ZFYVE28: variants seen among roughly 807,000 people sequenced by gnomAD.
The protein encoded by ZFYVE28 is lateral signaling target protein 2 homolog.
In ZFYVE28, 40 loss-of-function variants were observed where a neutral mutation model predicts 82.1. The observed-to-expected ratio is 0.49, with a 90% CI of 0.38 to 0.63. The LOEUF is 0.63. ZFYVE28 is among the 30% of genes least tolerant of loss of function. The pLI is 0.00. For synonymous variants in ZFYVE28, 612 were observed against 546.1 expected (o/e 1.12, Z -1.68); for missense variants, 1,321 against 1,242.1 (o/e 1.06, Z -0.96).
chr4:2,306,374 A>C (rs1183770153), intron 7 of ZFYVE28, among the ~76,000 whole-genome samples: 1 of 152,222 alleles, frequency 6.6e-6, no homozygotes, highest in South Asian at 2.1e-4. Flanking sequence ...TCATAAGCTG[A>C]ATCCACCCAT....
chr4:2,415,502 T>C (rs927324867), intron 1 of ZFYVE28, among the ~76,000 whole-genome samples: 7 of 143,482 alleles, frequency 4.9e-5, no homozygotes, highest in African/African-American at 1.9e-4. Flanking sequence ...AAAAAGAAGC[T>C]CGCTGTGCAG....
chr4:2,370,259 G>C (rs998424015), intron 1 of ZFYVE28, among the ~76,000 whole-genome samples: 1 of 152,102 alleles, frequency 6.6e-6, no homozygotes, highest in Admixed American at 6.5e-5. Context: ...CCACAGCGGA[G>C]AGAAGGGGAT....
rs1578125105 is a variant in ZFYVE28, at chr4:2,332,074, A to G, written c.701+3631T>C. Among the ~76,000 whole-genome samples, 1 of 152,068 alleles carries G rather than the reference A, an allele frequency of 6.6e-6. No individual in the cohort carries two copies. Among genetic ancestry groups the G allele is most frequent in the African/African-American group, 2.4e-5 (1 of 41,402 alleles). The stretch of plus-strand genomic sequence containing the variant: ...GCTCATGCTTGGTAAATGTGGCATC[A>G]CTGTTCTGACACTGTGTGCTGGAGA... On this transcript the variant is annotated intron_variant, in intron 6 of 12. Transcript: ENST00000290974. This position sits in a 1 kb window ranked among gnomAD's most constrained non-coding sequence, Gnocchi z 4.7.
At chr4:2,296,991 C>T (rs369085710) in intron 8 of ZFYVE28, among the ~76,000 whole-genome samples, 63 of 152,302 alleles carry the variant, frequency 4.1e-4, no homozygotes, top group African/African-American at 1.3e-3. Context: ...CGTGGGCTTC[C>T]GGGCCACCGA....
chr4:2,336,249 G>A (rs568019566), intron 5 of ZFYVE28, among the ~76,000 whole-genome samples: 3 of 152,198 alleles, frequency 2.0e-5, no homozygotes, highest in Non-Finnish European at 4.4e-5. Flanking sequence ...CCTCCCCGGG[G>A]CTTGTGGAGG....
chr4:2,291,787 A>G (rs1014369376), intron 8 of ZFYVE28, among the ~76,000 whole-genome samples: 37 of 152,302 alleles, frequency 2.4e-4, no homozygotes, highest in Non-Finnish European at 4.6e-4. Flanking sequence ...TGGCTGGTGG[A>G]GGACATGAAC....
Position 2,305,323 on chromosome 4 carries a change from G to A in ZFYVE28, c.1017C>T (p.Asp339=), listed in dbSNP as rs199892925. The A allele has an allele frequency of 1.2e-6, 2 of 1,613,170 alleles. No individual in the cohort carries two copies. Among genetic ancestry groups the A allele is most frequent in the Non-Finnish European group, 1.7e-6 (2 of 1,180,026 alleles). The change falls in exon 8 of 13, where the codon GAC becomes GAT. Residue 339 remains aspartate (D), a synonymous_variant. Coordinates refer to ENST00000290974, the MANE Select transcript of ZFYVE28 (RefSeq NM_020972.3). ...TGCGGCTGAGCTGCTCCAGCTCCTG[G>A]TCGTCGTACTGCATGGAGCAGGCCA... ...AELACSMQYD[D]QELEQLSRMV...
chr4:2,343,686 C>G (rs1453934712), intron 2 of ZFYVE28, among the ~76,000 whole-genome samples: 2 of 152,168 alleles, frequency 1.3e-5, no homozygotes, highest in Admixed American at 1.3e-4. Flanking sequence ...GGTGGCACAG[C>G]TTGTCTAAGG....
At chr4:2,330,570 G>C in intron 6 of ZFYVE28, 1 of 1,213,730 alleles carries the variant, frequency 8.2e-7, no homozygotes, top group Non-Finnish European at 1.0e-6. Context: ...TGGAGAATGG[G>C]ATAGCATGGA....
chr4:2,350,614 G>A (rs1724276365), intron 2 of ZFYVE28, among the ~76,000 whole-genome samples: 1 of 152,308 alleles, frequency 6.6e-6, no homozygotes, highest in Admixed American at 6.5e-5. Flanking sequence ...ACAGCTTCAG[G>A]ATGGGGGGCT....
chr4:2,411,471 T>A (rs116401898), intron 1 of ZFYVE28, among the ~76,000 whole-genome samples: 27 of 152,338 alleles, frequency 1.8e-4, no homozygotes, highest in Non-Finnish European at 3.8e-4. Flanking sequence ...TGCCCATCAA[T>A]ATCTAAGTTT....
chr4:2,273,580 C>T (rs1736114653), intron 9 of ZFYVE28, among the ~76,000 whole-genome samples: 1 of 152,236 alleles, frequency 6.6e-6, no homozygotes, highest in South Asian at 2.1e-4. Flanking sequence ...ACAGCCATCA[C>T]CACTAAGCTG....
intron 2 of ZFYVE28, among the ~76,000 whole-genome samples, chr4:2,346,057 G>A (rs1022168313): frequency 6.6e-5 from 10 of 151,918 alleles, no homozygotes; most frequent in Non-Finnish European, 7.4e-5. Flanking sequence ...GGCCAGGGGC[G>A]GTGGCTCACG....
intron 1 of ZFYVE28, among the ~76,000 whole-genome samples, chr4:2,399,083 A>AGGTGAGAGCCAGGGCACAAGCGTGG (rs1297197658): frequency 8.5e-6 from 1 of 117,500 alleles, no homozygotes; most frequent in Non-Finnish European, 1.7e-5. Flanking sequence ...CACAAGCGTG[A>AGGTGAGAGCCAGGGCACAAGCGTGG]AGGTGAGATC....
Position 2,304,166 on chromosome 4 carries a change from C to G in ZFYVE28, c.2051+123G>C, listed in dbSNP as rs969876417. ...CACAGACCCCACACTCGGCCAGGGC[C>G]CAGCACCTGCCGGTGGCCAAGATGG... On this transcript the variant is annotated intron_variant, in intron 8 of 12. Transcript: ENST00000290974. The G allele has an allele frequency of 3.0e-6, 4 of 1,326,094 alleles. No individual in the cohort carries two copies. In the African/African-American group the frequency reaches 5.9e-5, roughly 19 times the overall value. The allele number at this position is 1,326,094 out of a possible 1,614,324, so 82.1% of individuals were successfully genotyped here.
At position 2,320,219 on chromosome 4, in the gene ZFYVE28, C is replaced by G. The variant is rs778762648; in HGVS notation, c.754G>C (p.Asp252His). The G allele has an allele frequency of 6.2e-7, 1 of 1,613,354 alleles. No individual in the cohort carries two copies. The highest frequency in any genetic ancestry group is 8.5e-7 in the Non-Finnish European group (1 of 1,179,720). The change falls in exon 7 of 13, where the codon GAC (aspartate) becomes CAC (histidine). Residue 252 changes from aspartate (D) to histidine (H), a missense_variant. By Grantham distance (81) the Asp-to-His change is moderately conservative (BLOSUM62 -1). Coordinates refer to ENST00000290974, the MANE Select transcript of ZFYVE28 (RefSeq NM_020972.3). This position sits in a 1 kb window ranked among gnomAD's most constrained non-coding sequence, Gnocchi z 5.1. Reference protein sequence around the residue: ...GPLNLDRKVEDMSELFRPFHT... With the variant: ...GPLNLDRKVEHMSELFRPFHT... Reference sequence around the variant, plus strand: ...AAGGGCCGGAACAGCTCGGACATGTCTTCCACCTTGCGGTCCAAGTTCAGA... The same window carrying G: ...AAGGGCCGGAACAGCTCGGACATGTGTTCCACCTTGCGGTCCAAGTTCAGA...
rs1487778041 is a variant in ZFYVE28 at position 2,394,952 on chromosome 4, G to A, written c.39+23333C>T. The stretch of plus-strand genomic sequence containing the variant: ...GATGCTCTCTCACTTCCCATTAAAA[G>A]TCCCACCACATTAAGCCAGGAGAAG... On this transcript the variant is annotated intron_variant, in intron 1 of 12. Coordinates refer to ENST00000290974, the MANE Select transcript of ZFYVE28 (RefSeq NM_020972.3). The surrounding 1 kb of genome is among the most constrained non-coding windows in gnomAD (Gnocchi z 4.0). 2.0e-5 allele frequency among the ~76,000 whole-genome samples: 3 copies of A among 152,314 alleles called. No individual in the cohort carries two copies. Among genetic ancestry groups the A allele is most frequent in the Non-Finnish European group, 4.4e-5 (3 of 68,016 alleles).
At chr4:2,306,271 C>T (rs1243091329) in intron 7 of ZFYVE28, among the ~76,000 whole-genome samples, 3 of 152,240 alleles carry the variant, frequency 2.0e-5, no homozygotes, top group Non-Finnish European at 2.9e-5. Context: ...CGAGAAGCTC[C>T]GGGTGTGTCT....
At chr4:2,304,150 C>T (rs762788631) in intron 8 of ZFYVE28, 139 bp downstream of exon 8, 17 of 1,131,660 alleles carry the variant, frequency 1.5e-5, no homozygotes, top group Admixed American at 2.6e-5. Flanking sequence ...ACACAGACCC[C>T]ACACTCGGCC....
Sources: allele counts gnomAD v4.1 joint callset (sites outside exome capture counted in the v4.1 genomes callset), GRCh38; gene constraint gnomAD v4.1.1; non-coding constraint Gnocchi (gnomAD v3.1); transcripts MANE v1.5; gene names NCBI Gene and HGNC (gene_info 2026-07-23, HGNC 2026-07-21).